Variants in NF1 observed in about 807,000 individuals in gnomAD.
The protein encoded by NF1 is neurofibromin 1.
NF1 carries 122 observed loss-of-function variants against 325.7 expected under a neutral mutation model. The observed-to-expected ratio is 0.37, with a 90% CI of 0.32 to 0.44. The LOEUF (loss-of-function observed/expected upper bound fraction) is 0.44. NF1 is among the 20% of genes least tolerant of loss of function. The pLI is 1.00. For synonymous variants in NF1, 1,091 were observed against 1,186.0 expected (o/e 0.92, Z 1.65); for missense variants, 2,140 against 3,415.4 (o/e 0.63, Z 9.31).
At chr17:31,209,974 G>A (rs2066698115) in intron 12 of NF1, among the ~76,000 whole-genome samples, 2 of 152,174 alleles carry the variant, frequency 1.3e-5, no homozygotes, top group South Asian at 4.1e-4. Context: ...AAAACTGTAT[G>A]TGTGTTTGTT....
chr17:31,355,871 C>T, intron 51 of NF1: 1 of 154,988 alleles, frequency 6.5e-6, no homozygotes, highest in Admixed American at 6.4e-5. Flanking sequence ...AGTGTTAATA[C>T]ATGATTACAT....
chr17:31,331,706 C>T (rs1309444104), intron 39 of NF1: 1 of 150,834 alleles, frequency 6.6e-6, no homozygotes, highest in Non-Finnish European at 1.5e-5. Flanking sequence ...CATAAGATAC[C>T]AAGTATGTTC....
At chr17:31,166,218 A>G (rs1018870559) in intron 4 of NF1, among the ~76,000 whole-genome samples, 1 of 152,104 alleles carries the variant, frequency 6.6e-6, no homozygotes, top group Admixed American at 6.5e-5. Context: ...TTTACAGTTT[A>G]CTATTTGGTT....
chr17:31,310,989 C>T (rs976856184), intron 36 of NF1, among the ~76,000 whole-genome samples: 7 of 150,052 alleles, frequency 4.7e-5, no homozygotes, highest in Non-Finnish European at 8.9e-5. Flanking sequence ...CTCTGTCACC[C>T]GGGTTGCAGT....
At chr17:31,149,517 C>G (rs1388682239) in intron 1 of NF1, among the ~76,000 whole-genome samples, 1 of 152,142 alleles carries the variant, frequency 6.6e-6, no homozygotes, top group East Asian at 1.9e-4. Context: ...CCAGGCTGGT[C>G]TCGATTGCCT....
intron 47 of NF1, 36 bp from the exon 48 acceptor site, chr17:31,342,973 G>T: frequency 6.2e-7 from 1 of 1,613,416 alleles, no homozygotes; most frequent in South Asian, 1.1e-5. Context: ...GCTACTGTGT[G>T]AACCTCATCA....
chr17:31,244,886 A>G (rs1444532799), intron 29 of NF1, among the ~76,000 whole-genome samples: 1 of 152,196 alleles, frequency 6.6e-6, no homozygotes, highest in Admixed American at 6.5e-5. Context: ...CCATTCAGCC[A>G]TCTTGCTCCA....
chr17:31,139,618 T>C (rs1410427387), intron 1 of NF1, among the ~76,000 whole-genome samples: 1 of 152,228 alleles, frequency 6.6e-6, no homozygotes. Context: ...ACTAACTTTA[T>C]TGTTGGAGGC....
chr17:31,359,394 C>G, intron 56 of NF1: 1 of 230,714 alleles, frequency 4.3e-6, no homozygotes, highest in South Asian at 5.8e-5. Context: ...ATTTTTATTT[C>G]CAGCCTATTA....
chr17:31,120,346 T>G (rs1317522997), intron 1 of NF1, among the ~76,000 whole-genome samples: 1 of 152,208 alleles, frequency 6.6e-6, no homozygotes, highest in Admixed American at 6.5e-5. Flanking sequence ...GGTGTATTCC[T>G]AAGTATTTTA....
At chr17:31,271,660 G>A (rs2067900097) in intron 36 of NF1, among the ~76,000 whole-genome samples, 1 of 152,148 alleles carries the variant, frequency 6.6e-6, no homozygotes, top group South Asian at 2.1e-4. Flanking sequence ...TGAGGCAGGA[G>A]AATTGCTTGA....
chr17:31,239,552 G>GA (rs1025487731), intron 29 of NF1, among the ~76,000 whole-genome samples: 18 of 149,206 alleles, frequency 1.2e-4, no homozygotes, highest in African/African-American at 4.3e-4. Context: ...AAGCAAGATG[G>GA]GGGGAGGAAT....
At chr17:31,102,557 A>G (rs1912440480) in intron 1 of NF1, among the ~76,000 whole-genome samples, 1 of 152,046 alleles carries the variant, frequency 6.6e-6, no homozygotes, top group Non-Finnish European at 1.5e-5. Flanking sequence ...AGGCTGTGCA[A>G]CATAGTGAGA....
chr17:31,308,984 A>G (rs1482656350), intron 36 of NF1, among the ~76,000 whole-genome samples: 3 of 152,214 alleles, frequency 2.0e-5, no homozygotes, highest in Non-Finnish European at 2.9e-5. Flanking sequence ...AGAGCATATT[A>G]TGTGTTGTAC....
rs1341941892 is a variant in NF1 at position 31,228,628 on chromosome 17, C to T, written c.2410-397C>T. On this transcript the variant is annotated intron_variant, in intron 20 of 57. Transcript: ENST00000358273. ...AACCACCCCCCACCCACTTTCTTGC[C>T]TCTCTTCCCCCAACGTCTCTAGCCC... 2.6e-5 allele frequency among the ~76,000 whole-genome samples: 4 copies of T among 152,100 alleles called. No homozygotes were observed. The East Asian group carries it at 7.7e-4, about 29-fold the overall frequency.
chr17:31,221,459 T>C, intron 14 of NF1, among the ~76,000 whole-genome samples: 1 of 152,178 alleles, frequency 6.6e-6, no homozygotes, highest in East Asian at 1.9e-4. Context: ...AGTAAATCTT[T>C]TGCTGTGTGT....
At chr17:31,360,328 G>A (rs2070369385) in intron 56 of NF1, 159 bp from the exon 57 acceptor site, 1 of 667,724 alleles carries the variant, frequency 1.5e-6, no homozygotes, top group African/African-American at 1.8e-5. Context: ...AAGTCCTATG[G>A]TAGTCTATAA....
Position 31,147,125 on chromosome 17 carries a change from T to C in NF1, c.61-8858T>C, listed in dbSNP as rs143400703. Among the ~76,000 whole-genome samples the C allele has an allele frequency of 4.4e-3, 665 of 152,314 alleles. 6 individuals are homozygous for C. Among genetic ancestry groups the C allele is most frequent in the African/African-American group, 0.015 (636 of 41,564 alleles). ...TATAGAAAAGGGCACAAATTGTAAATATACAGCTCAGTTAAATGTTCACAA... is the reference window on the plus strand; with the variant it reads ...TATAGAAAAGGGCACAAATTGTAAACATACAGCTCAGTTAAATGTTCACAA... On this transcript the variant is annotated intron_variant, in intron 1 of 57. Coordinates refer to ENST00000358273, the MANE Select transcript of NF1 (RefSeq NM_001042492.3).
intron 11 of NF1, among the ~76,000 whole-genome samples, chr17:31,202,489 G>T (rs1385215199): frequency 6.6e-6 from 1 of 152,066 alleles, no homozygotes; most frequent in Non-Finnish European, 1.5e-5. Context: ...AAGCTATTTG[G>T]TGATACATTT....
Sources: gnomAD v4.1 joint callset for allele counts (sites outside exome capture counted in the v4.1 genomes callset) on GRCh38, gnomAD v4.1.1 for gene constraint, MANE v1.5 for transcripts, NCBI Gene and HGNC (gene_info 2026-07-23, HGNC 2026-07-21) for gene names.